CA14: variants seen among roughly 807,000 people sequenced by gnomAD.
CA14 encodes the protein carbonic anhydrase 14, also known as CA-XIV.
Under a neutral mutation model 48.8 loss-of-function variants are expected in CA14, and 44 were observed. That is an observed-to-expected ratio of 0.90 (90% CI 0.71 to 1.16). CA14 has a LOEUF of 1.16. Ranked by LOEUF, CA14 falls within the 50% of genes most tolerant of loss-of-function variation. The pLI is 0.00. For missense variants in CA14, 386 were observed against 401.0 expected, an observed-to-expected ratio of 0.96 and a Z score of 0.32; for synonymous variants, 154 against 155.0, an observed-to-expected ratio of 0.99 and a Z score of 0.05.
intron 1 of CA14, 34 bp from the exon 2 acceptor site, chr1:150,260,117 C>A: frequency 6.2e-7 from 1 of 1,611,772 alleles, no homozygotes; most frequent in Non-Finnish European, 8.5e-7. Flanking sequence ...CCCCAGGCTG[C>A]GCTGGCTGTA....
chr1:150,260,129 C>T, intron 1 of CA14, 22 bp from the exon 2 acceptor site: 1 of 1,612,896 alleles, frequency 6.2e-7, no homozygotes, highest in Non-Finnish European at 8.5e-7. Flanking sequence ...CTGGCTGTAA[C>T]CCAAACTATT....
chr1:150,263,036 C>T lies in CA14; in HGVS notation c.563-6C>T, dbSNP rs1553848266. The T allele has an allele frequency of 1.2e-6, 2 of 1,613,824 alleles. No homozygotes were observed. Among genetic ancestry groups the T allele is most frequent in the South Asian group, 1.1e-5 (1 of 91,050 alleles). Reference sequence around the variant, plus strand: ...AGGAAGATGAGTCCCAGTCTGTTCTCCCCAGATCAGAAGACCTCAGTGCCT... The same window carrying T: ...AGGAAGATGAGTCCCAGTCTGTTCTTCCCAGATCAGAAGACCTCAGTGCCT... On this transcript the variant is annotated splice_polypyrimidine_tract_variant and splice_region_variant and intron_variant, in intron 6 of 10. Coordinates refer to ENST00000369111, the MANE Select transcript of CA14 (RefSeq NM_012113.3).
chr1:150,260,470 G>T, intron 2 of CA14: 1 of 496,868 alleles, frequency 2.0e-6, no homozygotes, highest in Non-Finnish European at 3.7e-6. Context: ...TAGCTGCCAG[G>T]TCTCCTTCTG....
Position 150,263,889 on chromosome 1 carries a change from A to G in CA14, c.947+11A>G. On this transcript the variant is annotated intron_variant, in intron 10 of 10. Coordinates refer to ENST00000369111, the MANE Select transcript of CA14 (RefSeq NM_012113.3). ...TGCTAGAAAGATTCGGTGAGGCCCT[A>G]CTTTCCATTCCTCCAGTCCCTTCTT... 2 of 1,565,262 alleles carry G rather than the reference A, an allele frequency of 1.3e-6. No individual in the cohort carries two copies. The highest frequency in any genetic ancestry group is 8.7e-7 in the Non-Finnish European group (1 of 1,143,352).
rs1298438448 is a variant in CA14 at position 150,263,904 on chromosome 1, A to T, written c.947+26A>T. 4.4e-6 allele frequency: 6 copies of T among 1,352,970 alleles called. No homozygotes were observed. The Admixed American group carries it at 6.5e-5, about 15-fold the overall frequency. 83.8% of individuals were successfully genotyped at this position (1,352,970 alleles called of 1,614,324 possible). The stretch of plus-strand genomic sequence containing the variant: ...GTGAGGCCCTACTTTCCATTCCTCC[A>T]GTCCCTTCTTCTTTTTTTTTTTTTT... On this transcript the variant is annotated intron_variant, in intron 10 of 10. Transcript: ENST00000369111.
At chr1:150,263,996 GCTCAC>G in intron 10 of CA14, 118 bp downstream of exon 10, 1 of 740,870 alleles carries the variant, frequency 1.3e-6, no homozygotes, top group Non-Finnish European at 2.2e-6. Flanking sequence ...TGCAATCTCA[GCTCAC>G]TGCAACCTCT....
intron 8 of CA14, 106 bp from the exon 9 acceptor site, chr1:150,263,553 C>G: frequency 6.2e-7 from 1 of 1,610,854 alleles, no homozygotes; most frequent in African/African-American, 1.3e-5. Flanking sequence ...CCAACCCCCA[C>G]CCCAGGGTGC....
At chr1:150,263,702 T>G (rs782620252) in intron 9 of CA14, 23 bp downstream of exon 9, 1 of 1,613,862 alleles carries the variant, frequency 6.2e-7, no homozygotes. Context: ...TATAAGATAA[T>G]GCGGGGAGGG....
chr1:150,264,531 T>C, intron 10 of CA14, 62 bp from the exon 11 acceptor site: 2 of 952,570 alleles, frequency 2.1e-6, no homozygotes, highest in East Asian at 2.4e-5. Flanking sequence ...CATTCTCCTA[T>C]TTCACCTCTA....
intron 5 of CA14, 34 bp downstream of exon 5, chr1:150,262,654 C>T: frequency 6.5e-7 from 1 of 1,536,260 alleles, no homozygotes; most frequent in Non-Finnish European, 9.0e-7. Flanking sequence ...AGGTTTCTCT[C>T]CACTTCCTCT....
In CA14 at chr1:150,262,565, T is replaced by C. The variant is rs868955467; in HGVS notation, c.440T>C (p.Leu147Ser). ...VHYDSDSYDS[L>S]SEAAERPQGL... is the part of the protein sequence containing the mutation. ...TATGACTCTGATTCCTATGACAGCT[T>C]GAGTGAGGCTGCTGAGAGGCCTCAG... is the stretch of plus-strand genomic sequence containing the variant. Residue 147 changes from leucine to serine, a missense_variant, in exon 5 of 11, where the codon TTG becomes TCG. Physicochemically the swap from Leu to Ser is moderately radical, Grantham distance 145. Transcript: ENST00000369111. 6.2e-7 allele frequency: 1 copy of C among 1,614,080 alleles called. No individual in the cohort carries two copies. The highest frequency in any genetic ancestry group is 1.3e-5 in the African/African-American group (1 of 75,012).
chr1:150,263,407 T>G lies in CA14; in HGVS notation c.829T>G (p.Ser277Ala). Residue 277 changes from serine to alanine, a missense_variant, in exon 8 of 11, where the codon TCT becomes GCT. Ser to Ala is a moderately conservative substitution (Grantham distance 99). Coordinates refer to ENST00000369111, the MANE Select transcript of CA14 (RefSeq NM_012113.3). ...TCTCAATCAGCGCATGGTCTTTGCTTCTTTCATCCAAGGTGATTCTGCACG... is the reference window on the plus strand; with the variant it reads ...TCTCAATCAGCGCATGGTCTTTGCTGCTTTCATCCAAGGTGATTCTGCACG... ...QPLNQRMVFA[S>A]FIQAGSSYTT... The G allele has an allele frequency of 6.2e-7, 1 of 1,614,096 alleles. No individual in the cohort carries two copies. The highest frequency in any genetic ancestry group is 1.1e-5 in the South Asian group (1 of 91,066).
chr1:150,263,225 G>T, intron 7 of CA14, 26 bp downstream of exon 7: 1 of 1,613,942 alleles, frequency 6.2e-7, no homozygotes, highest in Non-Finnish European at 8.5e-7. Flanking sequence ...ACGAGGTGAG[G>T]TGAGACACAG....
chr1:150,261,644 A>C lies in CA14; in HGVS notation c.256+6A>C. On this transcript the variant is annotated splice_donor_region_variant and intron_variant, in intron 3 of 10. Coordinates refer to ENST00000369111, the MANE Select transcript of CA14 (RefSeq NM_012113.3). ...GCACAACAATGGCCACACAGGTAAAAGCACAGGCTCCAAGGAGTTGTAGGC... is the reference window on the plus strand; with the variant it reads ...GCACAACAATGGCCACACAGGTAAACGCACAGGCTCCAAGGAGTTGTAGGC... 6.2e-7 allele frequency: 1 copy of C among 1,613,272 alleles called. No homozygotes were observed. Among genetic ancestry groups the C allele is most frequent in the Non-Finnish European group, 8.5e-7 (1 of 1,179,492 alleles).
Position 150,264,813 on chromosome 1 carries a change from G to T in CA14, c.*154G>T. ...CATCTCCTAGAGAGGAATGGACCCA[G>T]GCTGTCATTCCAGGAAGAACTGCAG... On this transcript the variant is annotated 3_prime_UTR_variant, in exon 11 of 11. Transcript: ENST00000369111. The T allele has an allele frequency of 1.9e-6, 1 of 530,348 alleles. No individual in the cohort carries two copies. The highest frequency in any genetic ancestry group is 3.3e-6 in the Non-Finnish European group (1 of 299,608). 32.9% of individuals were successfully genotyped at this position (530,348 alleles called of 1,614,324 possible).
At position 150,262,986 on chromosome 1, in the gene CA14, T is replaced by C. The variant is rs587633612; in HGVS notation, c.563-56T>C. ...AGGAATTTTGCTTCTGGGAGCCCTA[T>C]CTAGGTAAGCTAGGGCACACTGAAA... On this transcript the variant is annotated intron_variant, in intron 6 of 10. Coordinates refer to ENST00000369111, the MANE Select transcript of CA14 (RefSeq NM_012113.3). 223 of 1,597,962 alleles carry C rather than the reference T, an allele frequency of 1.4e-4. No individual in the cohort carries two copies. The African/African-American group carries it at 2.6e-3, about 19-fold the overall frequency.
chr1:150,264,862 T>G lies in CA14; in HGVS notation c.*203T>G. 2.2e-6 allele frequency: 1 copy of G among 449,474 alleles called. No individual in the cohort carries two copies. The highest frequency in any genetic ancestry group is 4.0e-6 in the Non-Finnish European group (1 of 250,014). 27.8% of individuals were successfully genotyped at this position (449,474 alleles called of 1,614,324 possible). A position where few individuals can be genotyped will look rare whatever the true frequency, so the allele number is the denominator to read the frequency against. ...AGAGCCTTCAGCCTCTCCAAACATG[T>G]AGGAGGAAATGAGGAAATCGCTGTG... is the stretch of plus-strand genomic sequence containing the variant. On this transcript the variant is annotated 3_prime_UTR_variant, in exon 11 of 11. Coordinates refer to ENST00000369111, the MANE Select transcript of CA14 (RefSeq NM_012113.3).
At chr1:150,260,467 C>CACCG in intron 2 of CA14, 1 of 504,262 alleles carries the variant, frequency 2.0e-6, no homozygotes, top group Non-Finnish European at 3.6e-6. Context: ...GCTTAGCTGC[C>CACCG]AGGTCTCCTT....
At chr1:150,264,563 G>A (rs909499603) in intron 10 of CA14, 30 bp from the exon 11 acceptor site, 2 of 1,275,142 alleles carry the variant, frequency 1.6e-6, no homozygotes, top group Admixed American at 3.4e-5. Flanking sequence ...TTAGATAGCA[G>A]TCATTCTCAT....
Sources: allele counts gnomAD v4.1 joint callset, GRCh38; gene constraint gnomAD v4.1.1; transcripts MANE v1.5; gene names NCBI Gene and HGNC (gene_info 2026-07-23, HGNC 2026-07-21).